The following PDE1C variants were observed in gnomAD, a reference collection of about 807,000 sequenced individuals.
PDE1C encodes the protein phosphodiesterase 1C, also known as dual specificity calcium/calmodulin-dependent 3',5'-cyclic nucleotide phosphodiesterase 1C.
A neutral mutation model predicts 93.1 loss-of-function variants in PDE1C; 62 were observed. The ratio of observed to expected loss-of-function variants is 0.67; its 90% CI spans 0.54 to 0.82. PDE1C has a LOEUF of 0.82. PDE1C is among the 40% of genes least tolerant of loss of function. The pLI is 0.00. For synonymous variants in PDE1C, 325 were observed against 310.1 expected (o/e 1.05, Z -0.50); for missense variants, 742 against 884.6 (o/e 0.84, Z 2.04).
chr7:31,629,403 A>G, the PDE1C span, among the ~76,000 whole-genome samples: 5 of 152,194 alleles, frequency 3.3e-5, no homozygotes, highest in African/African-American at 9.7e-5. Flanking sequence ...CATGCCACGA[A>G]GCTCCAGGCA....
At chr7:31,745,391 G>A in the PDE1C span, among the ~76,000 whole-genome samples, 15 of 152,214 alleles carry the variant, frequency 9.9e-5, no homozygotes, top group East Asian at 2.3e-3. Context: ...TGATCACTAC[G>A]GAGGATATAG....
chr7:31,890,157 G>A (rs1798450480), intron 2 of PDE1C, among the ~76,000 whole-genome samples: 1 of 152,152 alleles, frequency 6.6e-6, no homozygotes, highest in Non-Finnish European at 1.5e-5. Context: ...ATACAACCCA[G>A]AGCATCATTC....
chr7:32,046,424 C>A (rs1372101411), intron 2 of PDE1C, among the ~76,000 whole-genome samples: 1 of 152,100 alleles, frequency 6.6e-6, no homozygotes, highest in African/African-American at 2.4e-5. Context: ...ATCCTCCCAA[C>A]AGATCTGATT....
At chr7:32,283,906 G>A (rs73306702) in intron 1 of PDE1C, among the ~76,000 whole-genome samples, 2,090 of 152,238 alleles carry the variant, frequency 0.014, 54 homozygotes, top group African/African-American at 0.048. Flanking sequence ...TTTCTGTAGC[G>A]CTCAGACTGA....
upstream of PDE1C, among the ~76,000 whole-genome samples, chr7:32,075,256 A>T (rs769886194): frequency 6.6e-6 from 1 of 152,154 alleles, no homozygotes; most frequent in Non-Finnish European, 1.5e-5. Flanking sequence ...ACTTGCTTTG[A>T]CCTCCATGAA....
intron 6 of PDE1C, among the ~76,000 whole-genome samples, chr7:31,866,769 G>A (rs1226417990): frequency 6.6e-6 from 1 of 152,110 alleles, no homozygotes; most frequent in Non-Finnish European, 1.5e-5. Context: ...TGGATTGGCT[G>A]GAATCCTGGA....
chr7:31,944,227 T>C (rs1313544434), intron 2 of PDE1C, among the ~76,000 whole-genome samples: 1 of 152,178 alleles, frequency 6.6e-6, no homozygotes, highest in Non-Finnish European at 1.5e-5. Flanking sequence ...CCTACTATGC[T>C]CTGTCTGGTT....
intron 1 of PDE1C, among the ~76,000 whole-genome samples, chr7:32,361,547 G>A (rs551745089): frequency 5.3e-5 from 8 of 152,240 alleles, no homozygotes; most frequent in Admixed American, 1.3e-4. Flanking sequence ...CCTGACCCTC[G>A]CACATGCCAC....
At chr7:32,317,658 C>T (rs971533838) in intron 1 of PDE1C, among the ~76,000 whole-genome samples, 2 of 152,050 alleles carry the variant, frequency 1.3e-5, no homozygotes, top group African/African-American at 4.8e-5. Flanking sequence ...TACCCATAGC[C>T]ATGTTAACGC....
the PDE1C span, among the ~76,000 whole-genome samples, chr7:31,691,105 T>C: frequency 6.6e-6 from 1 of 152,088 alleles, no homozygotes; most frequent in Non-Finnish European, 1.5e-5. Flanking sequence ...CTGAAAACAA[T>C]GGTCTGAATT....
At chr7:31,903,471 T>C (rs7811079) in intron 2 of PDE1C, among the ~76,000 whole-genome samples, 27,429 of 151,832 alleles carry the variant, frequency 0.18, 2,811 homozygotes, top group African/African-American at 0.26. Context: ...TGGTGAAAAA[T>C]TCTAAAGAAC....
the PDE1C span, among the ~76,000 whole-genome samples, chr7:31,671,346 A>G: frequency 1.5e-4 from 23 of 152,280 alleles, no homozygotes; most frequent in African/African-American, 5.5e-4. Flanking sequence ...GCACCTGCTC[A>G]TCTATGTGCT....
chr7:32,298,545 A>C, intron 1 of PDE1C: 3 of 1,347,878 alleles, frequency 2.2e-6, no homozygotes, highest in African/African-American at 1.5e-5. Flanking sequence ...CTCCGGCCCC[A>C]GCCCGACCCC....
chr7:31,885,748 A>C (rs1328405451), intron 2 of PDE1C, among the ~76,000 whole-genome samples: 2 of 152,188 alleles, frequency 1.3e-5, no homozygotes, highest in Non-Finnish European at 2.9e-5. Context: ...AGTGAGCTTC[A>C]TTAAAAAGCA....
chr7:31,651,952 C>A, the PDE1C span: 2 of 1,596,844 alleles, frequency 1.3e-6, no homozygotes, highest in Admixed American at 1.7e-5. Flanking sequence ...GGAGGCCGAG[C>A]AACTGCAAAC....
At chr7:32,040,092 G>A (rs1462577791) in intron 2 of PDE1C, among the ~76,000 whole-genome samples, 1 of 152,042 alleles carries the variant, frequency 6.6e-6, no homozygotes, top group Non-Finnish European at 1.5e-5. Flanking sequence ...ATAAAATCTT[G>A]TCAGCTACAT....
intron 1 of PDE1C, among the ~76,000 whole-genome samples, chr7:32,306,661 A>T (rs918947710): frequency 6.6e-6 from 1 of 152,154 alleles, no homozygotes; most frequent in Admixed American, 6.5e-5. Context: ...TACTTCAGTG[A>T]CTCCCTGTCG....
chr7:31,780,167 G>A (rs1257211136), intron 16 of PDE1C, among the ~76,000 whole-genome samples: 5 of 152,186 alleles, frequency 3.3e-5, no homozygotes, highest in African/African-American at 1.2e-4. Context: ...ACCTGGGCAT[G>A]AGGACTTTTT....
intron 1 of PDE1C, among the ~76,000 whole-genome samples, chr7:32,316,125 A>G (rs970672583): frequency 6.6e-5 from 10 of 152,326 alleles, no homozygotes; most frequent in Non-Finnish European, 1.2e-4. Flanking sequence ...GTCCGTTTTG[A>G]CCATTGATGT....
Sources: gnomAD v4.1 joint callset for allele counts (sites outside exome capture counted in the v4.1 genomes callset) on GRCh38, gnomAD v4.1.1 for gene constraint, MANE v1.5 for transcripts, NCBI Gene and HGNC (gene_info 2026-07-23, HGNC 2026-07-21) for gene names.